The following ANKS1B variants were observed in gnomAD, a reference collection of about 807,000 sequenced individuals.
ANKS1B encodes ankyrin repeat and sterile alpha motif domain-containing protein 1B.
ANKS1B carries 36 observed loss-of-function variants against 148.3 expected under a neutral mutation model. That is an observed-to-expected ratio of 0.24 (90% CI 0.19 to 0.32). The LOEUF is 0.32. ANKS1B is among the 10% of genes least tolerant of loss of function. The pLI, the probability that ANKS1B is intolerant of heterozygous loss-of-function variation, is 1.00. For missense variants in ANKS1B, 1,157 were observed against 1,542.6 expected, an observed-to-expected ratio of 0.75 and a Z score of 4.19; for synonymous variants, 542 against 560.8, an observed-to-expected ratio of 0.97 and a Z score of 0.47.
At chr12:99,629,429 A>C (rs1353430839) in intron 9 of ANKS1B, among the ~76,000 whole-genome samples, 21 of 152,208 alleles carry the variant, frequency 1.4e-4, no homozygotes, top group Admixed American at 1.3e-3. Flanking sequence ...TAATATTACT[A>C]GGAGGTACTC....
intron 20 of ANKS1B, 56 bp downstream of exon 20, chr12:98,807,788 G>GCAACA: frequency 6.7e-7 from 1 of 1,483,636 alleles, no homozygotes; most frequent in Non-Finnish European, 9.3e-7. Flanking sequence ...ACAACACTGT[G>GCAACA]CAACACAGTA....
At chr12:99,251,897 C>T (rs778776004) in intron 12 of ANKS1B, among the ~76,000 whole-genome samples, 5 of 152,064 alleles carry the variant, frequency 3.3e-5, no homozygotes, top group Non-Finnish European at 7.4e-5. Flanking sequence ...TAAAACGTTT[C>T]CTGTATATCA....
chr12:99,443,037 A>T (rs761845826), intron 11 of ANKS1B, among the ~76,000 whole-genome samples: 1 of 151,946 alleles, frequency 6.6e-6, no homozygotes, highest in African/African-American at 2.4e-5. Context: ...GCTTGTCCCA[A>T]TGATATTTCT....
At chr12:99,221,238 G>A (rs2085083742) in intron 14 of ANKS1B, among the ~76,000 whole-genome samples, 5 of 152,124 alleles carry the variant, frequency 3.3e-5, no homozygotes, top group Admixed American at 2.6e-4. Context: ...TACTCGGGAG[G>A]CTGAGGCAGG....
chr12:99,384,686 ATATC>A (rs1235347364), intron 12 of ANKS1B, among the ~76,000 whole-genome samples: 2 of 150,910 alleles, frequency 1.3e-5, no homozygotes, highest in African/African-American at 4.9e-5. Flanking sequence ...TGTTCCATCA[ATATC>A]TATCTGATTA....
intron 1 of ANKS1B, among the ~76,000 whole-genome samples, chr12:99,859,142 A>G (rs2153715040): frequency 1.3e-5 from 2 of 152,344 alleles, no homozygotes; most frequent in Middle Eastern, 6.8e-3. Flanking sequence ...GATAATATTG[A>G]CACATGGAGT....
At chr12:99,411,841 G>A (rs530591812) in intron 11 of ANKS1B, among the ~76,000 whole-genome samples, 58 of 152,200 alleles carry the variant, frequency 3.8e-4, no homozygotes, top group Admixed American at 9.8e-4. Context: ...GTGGATATTG[G>A]ATCTCTTTGA....
chr12:98,744,594 T>G lies in ANKS1B; in HGVS notation c.*1145A>C, dbSNP rs2097842799. The G allele has an allele frequency of 1.4e-6, 1 of 711,456 alleles. No homozygotes were observed. Among genetic ancestry groups the G allele is most frequent in the African/African-American group, 1.9e-5 (1 of 51,970 alleles). 44.1% of individuals were successfully genotyped at this position (711,456 alleles called of 1,614,324 possible). A position where few individuals can be genotyped will look rare whatever the true frequency, so the allele number is the denominator to read the frequency against. On this transcript the variant is annotated 3_prime_UTR_variant, in exon 27 of 27. Coordinates refer to ENST00000683438, the MANE Select transcript of ANKS1B (RefSeq NM_001352186.2). ...AAAAAATTAAAATACCTTAAAGAAA[T>G]GTAAGTAAATTTTATTTAATCAAAT...
At chr12:99,404,924 G>C (rs1312061004) in intron 11 of ANKS1B, among the ~76,000 whole-genome samples, 1 of 146,104 alleles carries the variant, frequency 6.8e-6, no homozygotes, top group Admixed American at 6.8e-5. Context: ...AGCAAATAAC[G>C]TACAATGAAG....
chr12:99,799,113 T>C (rs1362627648), intron 4 of ANKS1B, among the ~76,000 whole-genome samples: 3 of 152,134 alleles, frequency 2.0e-5, no homozygotes, highest in Admixed American at 6.6e-5. Flanking sequence ...AATTTTTGCC[T>C]AGTTTTGTTA....
intron 1 of ANKS1B, among the ~76,000 whole-genome samples, chr12:99,953,081 A>G (rs1340008297): frequency 6.6e-6 from 1 of 152,194 alleles, no homozygotes; most frequent in Non-Finnish European, 1.5e-5. Flanking sequence ...AAATTGGAGA[A>G]CTGCTTATAC....
At chr12:99,942,355 T>C (rs1298879811) in intron 1 of ANKS1B, among the ~76,000 whole-genome samples, 1 of 152,046 alleles carries the variant, frequency 6.6e-6, no homozygotes, top group African/African-American at 2.4e-5. Context: ...AATGTATTAG[T>C]GATATTTGAG....
chr12:99,648,383 C>T, intron 9 of ANKS1B: 1 of 1,614,150 alleles, frequency 6.2e-7, no homozygotes, highest in Non-Finnish European at 8.5e-7. Flanking sequence ...CGAATGGTAA[C>T]AATGGGCATC....
chr12:98,769,186 T>TTTTTTTTTTTTTTTC (rs2098534145), intron 25 of ANKS1B, among the ~76,000 whole-genome samples: 1 of 138,740 alleles, frequency 7.2e-6, no homozygotes, highest in Non-Finnish European at 1.5e-5. Context: ...TTTTTTTTTT[T>TTTTTTTTTTTTTTTC]TTTTTTTTGC....
At chr12:99,845,274 T>C (rs1480651694) in intron 1 of ANKS1B, among the ~76,000 whole-genome samples, 1 of 151,974 alleles carries the variant, frequency 6.6e-6, no homozygotes, top group African/African-American at 2.4e-5. Flanking sequence ...TGAATAGGAG[T>C]GGTGAGAGAG....
intron 1 of ANKS1B, among the ~76,000 whole-genome samples, chr12:99,941,680 C>T (rs979418055): frequency 3.3e-5 from 5 of 152,116 alleles, no homozygotes; most frequent in African/African-American, 1.2e-4. Context: ...GAAAACTGAT[C>T]TCCTAGCTAA....
chr12:99,648,807 C>A (rs1287051686), intron 9 of ANKS1B: 5 of 1,596,836 alleles, frequency 3.1e-6, no homozygotes, highest in Non-Finnish European at 3.4e-6. Context: ...TATGCAGAGA[C>A]TAGATGGGGC....
chr12:99,490,201 G>C (rs980257922), intron 10 of ANKS1B, among the ~76,000 whole-genome samples: 4 of 152,212 alleles, frequency 2.6e-5, no homozygotes, highest in Non-Finnish European at 5.9e-5. Flanking sequence ...TGAATTGGTG[G>C]ATAGATGGAT....
At chr12:99,280,442 A>G (rs1021854020) in intron 12 of ANKS1B, among the ~76,000 whole-genome samples, 2 of 152,166 alleles carry the variant, frequency 1.3e-5, no homozygotes, top group Non-Finnish European at 2.9e-5. Flanking sequence ...AGCACAATTT[A>G]TGTAAGCACA....
Sources: gnomAD v4.1 joint callset for allele counts (sites outside exome capture counted in the v4.1 genomes callset) on GRCh38, gnomAD v4.1.1 for gene constraint, MANE v1.5 for transcripts, NCBI Gene and HGNC (gene_info 2026-07-23, HGNC 2026-07-21) for gene names.